The following ERGIC1 variants were observed in gnomAD, a reference collection of about 807,000 sequenced individuals.
The protein encoded by ERGIC1 is endoplasmic reticulum-golgi intermediate compartment 1.
In ERGIC1, 19 loss-of-function variants were observed where a neutral mutation model predicts 38.3. That is an observed-to-expected ratio of 0.50 (90% CI 0.35 to 0.73). The LOEUF is 0.73. Ranked by LOEUF, ERGIC1 falls within the 30% of genes least tolerant of loss-of-function variation. The pLI is 0.01. For synonymous variants in ERGIC1, 124 were observed against 157.6 expected (o/e 0.79, Z 1.60); for missense variants, 294 against 389.2 (o/e 0.76, Z 2.06).
At chr5:172,893,887 A>ATGTGTG (rs1762632944) in intron 2 of ERGIC1, among the ~76,000 whole-genome samples, 1 of 14,094 alleles carries the variant, frequency 7.1e-5, no homozygotes. Context: ...ATATATATAT[A>ATGTGTG]TATATATATA....
At position 172,951,901 on chromosome 5, in the gene ERGIC1, G is replaced by A. The variant is rs1436741060; in HGVS notation, c.*1085G>A. ...ACTCCCTACGGGTGCAGAGCACTTG[G>A]GTTTCTCTACAGCCATCGTGGCCCA... On this transcript the variant is annotated 3_prime_UTR_variant, in exon 10 of 10. Transcript: ENST00000393784. 2.6e-5 allele frequency: 4 copies of A among 152,396 alleles called. No individual in the cohort carries two copies. The highest frequency in any genetic ancestry group is 5.9e-5 in the Non-Finnish European group (4 of 68,086). 9.4% of individuals were successfully genotyped at this position (152,396 alleles called of 1,614,324 possible).
At position 172,921,122 on chromosome 5, in the gene ERGIC1, A is replaced by G. The variant is rs71611158; in HGVS notation, c.376-2883A>G. Among the ~76,000 whole-genome samples, 616 of 152,338 alleles carry G rather than the reference A, an allele frequency of 4.0e-3. 7 individuals carry two copies. The highest frequency in any genetic ancestry group is 0.013 in the African/African-American group (547 of 41,572). On this transcript the variant is annotated intron_variant, in intron 5 of 9. Transcript: ENST00000393784. ...GGGCTGCTTTGTATGCATCACCTCAATGAATCCTCCCAGTAATCTTCTGGC... is the reference window on the plus strand; with the variant it reads ...GGGCTGCTTTGTATGCATCACCTCAGTGAATCCTCCCAGTAATCTTCTGGC...
intron 4 of ERGIC1, among the ~76,000 whole-genome samples, chr5:172,911,124 C>G (rs1763197153): frequency 6.6e-6 from 1 of 152,148 alleles, no homozygotes; most frequent in Non-Finnish European, 1.5e-5. Context: ...TCCCCACCCC[C>G]TCTTCCTGTT....
In ERGIC1 at chr5:172,839,260, A is replaced by T. The variant is rs960818046; in HGVS notation, c.20+4827A>T. Among the ~76,000 whole-genome samples the T allele has an allele frequency of 2.3e-5, 3 of 127,698 alleles. No homozygotes were observed. In the South Asian group the frequency reaches 7.8e-4, roughly 33 times the overall value. The allele number at this position is 127,698 out of a possible 152,430, so 83.8% of individuals were successfully genotyped here. ...TGTCTCAAAAAAAAAAAAAAAAAAA[A>T]GTATATATATATGGGCCAGGTGTGG... On this transcript the variant is annotated intron_variant, in intron 1 of 9. Transcript: ENST00000393784.
At chr5:172,900,285 G>A (rs1378484945) in intron 3 of ERGIC1, among the ~76,000 whole-genome samples, 1 of 152,196 alleles carries the variant, frequency 6.6e-6, no homozygotes, top group Non-Finnish European at 1.5e-5. Flanking sequence ...GCTTCTTTCT[G>A]AAGAGCACAG....
chr5:172,893,632 C>T (rs184139862), intron 2 of ERGIC1, among the ~76,000 whole-genome samples: 2 of 151,382 alleles, frequency 1.3e-5, no homozygotes, highest in African/African-American at 2.4e-5. Context: ...CCTCAGTTTG[C>T]GGGTGAGAAA....
At chr5:172,895,717 G>A (rs1250733567) in intron 2 of ERGIC1, among the ~76,000 whole-genome samples, 1 of 152,116 alleles carries the variant, frequency 6.6e-6, no homozygotes, top group Admixed American at 6.6e-5. Flanking sequence ...TGTGAGTCGG[G>A]CCTGGGAGGA....
intron 1 of ERGIC1, among the ~76,000 whole-genome samples, chr5:172,868,788 A>G (rs1266646381): frequency 1.3e-5 from 2 of 152,206 alleles, no homozygotes; most frequent in Admixed American, 1.3e-4. Flanking sequence ...GAGGCTGTGC[A>G]TGTGTGGGGA....
chr5:172,884,076 T>G (rs904703286), intron 1 of ERGIC1, among the ~76,000 whole-genome samples: 1 of 152,202 alleles, frequency 6.6e-6, no homozygotes, highest in Non-Finnish European at 1.5e-5. Flanking sequence ...GGGGAAGTGC[T>G]TTGAAGGTAT....
intron 2 of ERGIC1, among the ~76,000 whole-genome samples, chr5:172,893,905 ATGTGTGTGTGTGTGTGTGTGTG>A (rs1554110394): frequency 2.1e-3 from 33 of 15,526 alleles, no homozygotes; most frequent in East Asian, 4.6e-3. Flanking sequence ...ATATATATAT[ATGTGTGTGTGTGTGTGTGTGTG>A]TGTGTGTGTA....
At chr5:172,852,432 C>T (rs1361739120) in intron 1 of ERGIC1, among the ~76,000 whole-genome samples, 1 of 151,512 alleles carries the variant, frequency 6.6e-6, no homozygotes, top group Non-Finnish European at 1.5e-5. Context: ...ACAGTGGATG[C>T]CAGGGACCCA....
chr5:172,886,250 A>G (rs1282288860), intron 1 of ERGIC1, among the ~76,000 whole-genome samples: 1 of 152,004 alleles, frequency 6.6e-6, no homozygotes, highest in East Asian at 1.9e-4. Context: ...TGTGCCGGAG[A>G]GAGGACAGCG....
At chr5:172,908,054 G>A (rs1763079834) in intron 3 of ERGIC1, among the ~76,000 whole-genome samples, 1 of 151,770 alleles carries the variant, frequency 6.6e-6, no homozygotes, top group South Asian at 2.1e-4. Context: ...GGCCGATGCG[G>A]TCGACAGAAT....
chr5:172,853,621 A>G (rs1488176260), intron 1 of ERGIC1, among the ~76,000 whole-genome samples: 1 of 152,152 alleles, frequency 6.6e-6, no homozygotes, highest in Non-Finnish European at 1.5e-5. Context: ...GCCCCGGAGG[A>G]TGGGATGTGG....
rs1012458202 is a variant in ERGIC1 at position 172,926,184 on chromosome 5, G to A, written c.481-325G>A. ...AGTTTAGCTTAGCCACTTACCAGCC[G>A]GGCAAGTTTTGGTGTCTTTCCAAGC... On this transcript the variant is annotated intron_variant, in intron 6 of 9. Coordinates refer to ENST00000393784, the MANE Select transcript of ERGIC1 (RefSeq NM_001031711.3). This position sits in a 1 kb window ranked among gnomAD's most constrained non-coding sequence, Gnocchi z 5.2. 3.3e-5 allele frequency among the ~76,000 whole-genome samples: 5 copies of A among 152,164 alleles called. No homozygotes were observed. Among genetic ancestry groups the A allele is most frequent in the East Asian group, 1.9e-4 (1 of 5,200 alleles).
intron 5 of ERGIC1, 44 bp from the exon 6 acceptor site, chr5:172,923,961 T>C (rs1222371330): frequency 7.0e-6 from 11 of 1,580,384 alleles, no homozygotes; most frequent in Non-Finnish European, 9.5e-6. Flanking sequence ...TTCCGCCCCC[T>C]GGAGAAGTCA....
intron 1 of ERGIC1, among the ~76,000 whole-genome samples, chr5:172,863,594 G>A (rs1156245855): frequency 6.6e-6 from 1 of 152,086 alleles, no homozygotes; most frequent in East Asian, 1.9e-4. Context: ...CAGCATTTTT[G>A]TTGGTCCGGA....
chr5:172,891,886 C>T (rs1762568320), intron 2 of ERGIC1, among the ~76,000 whole-genome samples: 1 of 152,188 alleles, frequency 6.6e-6, no homozygotes, highest in South Asian at 2.1e-4. Context: ...TTCTTCTTTC[C>T]AGCTGTGTCA....
At chr5:172,935,468 A>T in intron 9 of ERGIC1, 158 bp downstream of exon 9, 1 of 855,886 alleles carries the variant, frequency 1.2e-6, no homozygotes, top group African/African-American at 1.7e-5. Context: ...GACCCCAAGG[A>T]TGCTGAGAAA....
Sources: gnomAD v4.1 joint callset for allele counts (sites outside exome capture counted in the v4.1 genomes callset) on GRCh38, gnomAD v4.1.1 for gene constraint, Gnocchi (gnomAD v3.1) non-coding constraint, MANE v1.5 for transcripts, NCBI Gene and HGNC (gene_info 2026-07-23, HGNC 2026-07-21) for gene names.